Variants in FAM185A observed in about 807,000 individuals in gnomAD.
The protein encoded by FAM185A is protein FAM185A.
Under a neutral mutation model 45.7 loss-of-function variants are expected in FAM185A, and 21 were observed. The ratio of observed to expected loss-of-function variants is 0.46; its 90% CI spans 0.33 to 0.66. FAM185A has a LOEUF of 0.66. Ranked by LOEUF, FAM185A falls within the 30% of genes least tolerant of loss-of-function variation. The pLI is 0.03. For synonymous variants in FAM185A, 117 were observed against 194.0 expected (o/e 0.60, Z 3.30); for missense variants, 305 against 485.4 (o/e 0.63, Z 3.49).
At chr7:102,828,306 G>T in the FAM185A span, among the ~76,000 whole-genome samples, 1 of 152,110 alleles carries the variant, frequency 6.6e-6, no homozygotes, top group Non-Finnish European at 1.5e-5. Context: ...CACGTCCCTT[G>T]TAAGTTGGAT....
the FAM185A span, among the ~76,000 whole-genome samples, chr7:102,831,323 T>C: frequency 6.6e-6 from 1 of 151,386 alleles, no homozygotes; most frequent in African/African-American, 2.4e-5. Flanking sequence ...TCTGGAGGGA[T>C]GGGATCTTAT....
intron 7 of FAM185A, among the ~76,000 whole-genome samples, chr7:102,796,649 G>C (rs933310201): frequency 3.9e-5 from 6 of 152,164 alleles, no homozygotes; most frequent in African/African-American, 1.4e-4. Flanking sequence ...TTTTTGCAGA[G>C]GTGGTTTCAA....
the FAM185A span, among the ~76,000 whole-genome samples, chr7:102,835,247 C>T: frequency 1.3e-5 from 2 of 152,216 alleles, no homozygotes; most frequent in Admixed American, 1.3e-4. Context: ...CTGGCAACTA[C>T]GTGATGGCAA....
chr7:102,756,316 A>C (rs1164431282), intron 2 of FAM185A, among the ~76,000 whole-genome samples: 1 of 152,206 alleles, frequency 6.6e-6, no homozygotes, highest in East Asian at 1.9e-4. Flanking sequence ...TATGTAATAA[A>C]ACTAAAGACA....
intron 7 of FAM185A, among the ~76,000 whole-genome samples, chr7:102,800,542 AAATAAAAAC>A (rs1796727320): frequency 6.6e-6 from 1 of 152,246 alleles, no homozygotes; most frequent in Admixed American, 6.5e-5. Context: ...TAGATAGCAT[AAATAAAAAC>A]AATAAAAACT....
chr7:102,806,082 G>C (rs1797093207), intron 7 of FAM185A, among the ~76,000 whole-genome samples: 1 of 152,080 alleles, frequency 6.6e-6, no homozygotes, highest in Admixed American at 6.6e-5. Context: ...TTTGTCTTTG[G>C]TTCTTATAGA....
chr7:102,807,215 G>A (rs1012601798), intron 7 of FAM185A, among the ~76,000 whole-genome samples: 1 of 151,944 alleles, frequency 6.6e-6, no homozygotes, highest in East Asian at 1.9e-4. Context: ...GAAGGGAGGG[G>A]CATGAGGGAA....
At chr7:102,831,825 T>C in the FAM185A span, among the ~76,000 whole-genome samples, 2 of 152,164 alleles carry the variant, frequency 1.3e-5, no homozygotes, top group Non-Finnish European at 2.9e-5. Flanking sequence ...CTTATCCATA[T>C]GGGCCCTCAC....
chr7:102,794,000 A>C (rs1796295546), intron 7 of FAM185A, among the ~76,000 whole-genome samples: 1 of 143,314 alleles, frequency 7.0e-6, no homozygotes, highest in Non-Finnish European at 1.5e-5. Flanking sequence ...AGATCGTGCC[A>C]CTGGACTCCA....
downstream of FAM185A, chr7:102,813,546 CT>C (rs750198705): frequency 1.9e-6 from 3 of 1,610,986 alleles, no homozygotes; most frequent in East Asian, 6.7e-5. Context: ...AATAACAGTG[CT>C]TAGCATTAGC....
chr7:102,827,266 C>A, the FAM185A span: 1 of 386,216 alleles, frequency 2.6e-6, no homozygotes. Flanking sequence ...TCCCCTAGGC[C>A]AACCAGCTCT....
At chr7:102,831,431 A>ACACACACCCCCCCCCC in the FAM185A span, among the ~76,000 whole-genome samples, 1 of 147,122 alleles carries the variant, frequency 6.8e-6, no homozygotes, top group African/African-American at 2.5e-5. Context: ...ACACACACAC[A>ACACACACCCCCCCCCC]CCCCACTACA....
At chr7:102,810,628 C>G (rs1409307075), downstream of FAM185A, among the ~76,000 whole-genome samples, 1 of 152,000 alleles carries the variant, frequency 6.6e-6, no homozygotes, top group Non-Finnish European at 1.5e-5. Flanking sequence ...AGGTCTCACT[C>G]TGTTGCCCAG....
intron 7 of FAM185A, among the ~76,000 whole-genome samples, chr7:102,788,625 C>G (rs1017368164): frequency 6.6e-6 from 1 of 152,092 alleles, no homozygotes; most frequent in Non-Finnish European, 1.5e-5. Flanking sequence ...AGTTAAGTGG[C>G]GAAAATTTGA....
intron 7 of FAM185A, among the ~76,000 whole-genome samples, chr7:102,799,976 C>A (rs1243049990): frequency 6.6e-6 from 1 of 152,072 alleles, no homozygotes; most frequent in South Asian, 2.1e-4. Context: ...ACCCACAGAC[C>A]CTCTGAAGGA....
Position 102,776,120 on chromosome 7 carries a change from G to T in FAM185A, c.836-1133G>T, listed in dbSNP as rs1044204434. Among the ~76,000 whole-genome samples, 3 of 57,094 alleles carry T rather than the reference G, an allele frequency of 5.3e-5. No individual in the cohort carries two copies. In the African/African-American group the frequency reaches 5.5e-4, roughly 10 times the overall value. 37.5% of individuals were successfully genotyped at this position (57,094 alleles called of 152,430 possible). On this transcript the variant is annotated intron_variant, in intron 5 of 7. Coordinates refer to ENST00000413034, the MANE Select transcript of FAM185A (RefSeq NM_001145268.2). ...CCTATACACACACACACACACAAAT[G>T]TTTTCTCTCTCTGTTTTGTAAACAG...
chr7:102,795,719 AATC>A, intron 7 of FAM185A, among the ~76,000 whole-genome samples: 1 of 151,916 alleles, frequency 6.6e-6, no homozygotes, highest in Non-Finnish European at 1.5e-5. Flanking sequence ...CTGGAAAGAA[AATC>A]ATAACTCATG....
chr7:102,831,431 A>ACACACCCC, the FAM185A span, among the ~76,000 whole-genome samples: 6 of 147,234 alleles, frequency 4.1e-5, no homozygotes, highest in African/African-American at 1.5e-4. Flanking sequence ...ACACACACAC[A>ACACACCCC]CCCCACTACA....
At chr7:102,796,990 A>ACCC in intron 7 of FAM185A, among the ~76,000 whole-genome samples, 1 of 152,334 alleles carries the variant, frequency 6.6e-6, no homozygotes, top group Non-Finnish European at 1.5e-5. Flanking sequence ...TTAATTGTAT[A>ACCC]CTTCCTCAGT....
Sources: allele counts gnomAD v4.1 joint callset (sites outside exome capture counted in the v4.1 genomes callset), GRCh38; gene constraint gnomAD v4.1.1; transcripts MANE v1.5; gene names NCBI Gene and HGNC (gene_info 2026-07-23, HGNC 2026-07-21).